SNX29: variants seen among roughly 807,000 people sequenced by gnomAD.
The protein encoded by SNX29 is sorting nexin-29.
SNX29 carries 78 observed loss-of-function variants against 102.1 expected under a neutral mutation model. The observed-to-expected ratio is 0.76, with a 90% confidence interval of 0.64 to 0.92. SNX29 has a LOEUF of 0.92. Among genes scored for constraint, SNX29 ranks in the 40% least tolerant of loss-of-function variants. The pLI, the probability that SNX29 is intolerant of heterozygous loss-of-function variation, is 0.00. For synonymous variants in SNX29, 580 were observed against 414.5 expected, an observed-to-expected ratio of 1.40 and a Z score of -4.85; for missense variants, 1,280 against 1,061.7, an observed-to-expected ratio of 1.21 and a Z score of -2.86.
At chr16:12,170,446 C>T (rs1342406433) in intron 13 of SNX29, among the ~76,000 whole-genome samples, 2 of 151,918 alleles carry the variant, frequency 1.3e-5, no homozygotes, top group Admixed American at 6.6e-5. Flanking sequence ...GACCACTTAG[C>T]CCTGAGGTCA....
chr16:12,561,790 G>A (rs745415135), intron 20 of SNX29, among the ~76,000 whole-genome samples: 5 of 152,184 alleles, frequency 3.3e-5, no homozygotes, highest in Non-Finnish European at 4.4e-5. Flanking sequence ...GACCACGCGT[G>A]GCCTGGCAGG....
chr16:12,284,950 T>C (rs553829322), intron 15 of SNX29, among the ~76,000 whole-genome samples: 1 of 152,250 alleles, frequency 6.6e-6, no homozygotes, highest in South Asian at 2.1e-4. Flanking sequence ...GGTCTCGAAC[T>C]CCTGACCTCA....
intron 14 of SNX29, among the ~76,000 whole-genome samples, chr16:12,227,787 C>T (rs2142167795): frequency 6.6e-6 from 1 of 151,086 alleles, no homozygotes. Flanking sequence ...GTAATCCCAG[C>T]TACTCGGGAG....
intron 15 of SNX29, among the ~76,000 whole-genome samples, chr16:12,301,851 C>G (rs762903413): frequency 1.3e-5 from 2 of 152,196 alleles, no homozygotes; most frequent in Non-Finnish European, 2.9e-5. Flanking sequence ...TTCTCAGAGT[C>G]GAAGCTCTTT....
intron 15 of SNX29, among the ~76,000 whole-genome samples, chr16:12,325,523 G>A (rs1185932447): frequency 1.3e-5 from 2 of 152,150 alleles, no homozygotes; most frequent in African/African-American, 2.4e-5. Flanking sequence ...AGAACTCATT[G>A]CTGAAGTTTA....
chr16:12,070,230 G>A (rs1213087577), intron 10 of SNX29, among the ~76,000 whole-genome samples: 2 of 151,584 alleles, frequency 1.3e-5, no homozygotes, highest in Non-Finnish European at 2.9e-5. Flanking sequence ...ACAATGTTCA[G>A]GTTAGTTACA....
intron 14 of SNX29, among the ~76,000 whole-genome samples, chr16:12,208,712 G>A (rs767057540): frequency 5.9e-5 from 9 of 151,998 alleles, no homozygotes; most frequent in East Asian, 1.9e-4. Context: ...GTGCTGGTGC[G>A]TGCCTGTAGT....
chr16:12,065,095 A>G (rs2050968028), intron 9 of SNX29, among the ~76,000 whole-genome samples: 1 of 152,330 alleles, frequency 6.6e-6, no homozygotes, highest in African/African-American at 2.4e-5. Context: ...GAACCCTGAA[A>G]GGAGTTCTCT....
intron 14 of SNX29, among the ~76,000 whole-genome samples, chr16:12,276,808 T>C (rs764506890): frequency 8.5e-5 from 13 of 152,184 alleles, no homozygotes; most frequent in Non-Finnish European, 1.9e-4. Context: ...TGGGCATATA[T>C]GGGCATATAC....
chr16:12,249,595 C>T (rs957988170), intron 14 of SNX29, among the ~76,000 whole-genome samples: 8 of 152,168 alleles, frequency 5.3e-5, no homozygotes, highest in East Asian at 1.9e-4. Context: ...ACCAGCCTGC[C>T]GGGTCTGAAT....
chr16:12,418,732 C>G (rs1380873335), intron 18 of SNX29, among the ~76,000 whole-genome samples: 2 of 152,114 alleles, frequency 1.3e-5, no homozygotes, highest in African/African-American at 4.8e-5. Flanking sequence ...TTAGGCTGGT[C>G]TCGACCTCCT....
At chr16:12,231,132 T>C (rs111362235) in intron 14 of SNX29, among the ~76,000 whole-genome samples, 5,901 of 152,222 alleles carry the variant, frequency 0.039, 412 homozygotes, top group African/African-American at 0.14. Flanking sequence ...GAATTACAGA[T>C]GTTAGCCAAT....
intron 13 of SNX29, among the ~76,000 whole-genome samples, chr16:12,183,722 A>G (rs950051479): frequency 6.6e-6 from 1 of 152,242 alleles, no homozygotes; most frequent in Non-Finnish European, 1.5e-5. Flanking sequence ...CCAGATGGTT[A>G]AGGCATTCTA....
chr16:12,031,538 G>A (rs1189087766), intron 4 of SNX29, among the ~76,000 whole-genome samples: 1 of 151,908 alleles, frequency 6.6e-6, no homozygotes, highest in Non-Finnish European at 1.5e-5. Context: ...CGGGCGTGGT[G>A]GCTCATGCCT....
intron 1 of SNX29, among the ~76,000 whole-genome samples, chr16:11,987,828 G>T (rs2055691724): frequency 6.6e-6 from 1 of 152,164 alleles, no homozygotes. Context: ...CATTTCCCCT[G>T]TTCCTTTTTA....
chr16:11,992,494 C>G (rs1284081790), intron 1 of SNX29, among the ~76,000 whole-genome samples: 1 of 152,082 alleles, frequency 6.6e-6, no homozygotes, highest in Admixed American at 6.6e-5. Context: ...CACCCCAGCC[C>G]CTGGCAACCA....
intron 13 of SNX29, among the ~76,000 whole-genome samples, chr16:12,182,933 CAA>C (rs575698544): frequency 4.7e-4 from 22 of 46,444 alleles, no homozygotes; most frequent in Middle Eastern, 0.01. Flanking sequence ...GACTCTGTCT[CAA>C]AAAAAAAAAA....
chr16:12,533,914 A>G (rs1214983109), intron 20 of SNX29, among the ~76,000 whole-genome samples: 3 of 152,262 alleles, frequency 2.0e-5, no homozygotes, highest in South Asian at 2.1e-4. Context: ...GCACATCTTC[A>G]TATAAAATCT....
chr16:11,985,042 C>T (rs1355330244), intron 1 of SNX29, among the ~76,000 whole-genome samples: 1 of 151,670 alleles, frequency 6.6e-6, no homozygotes, highest in East Asian at 1.9e-4. Context: ...TAGATTATGT[C>T]TGTAGGGAGA....
Sources: gnomAD v4.1 joint callset for allele counts (sites outside exome capture counted in the v4.1 genomes callset) on GRCh38, gnomAD v4.1.1 for gene constraint, MANE v1.5 for transcripts, NCBI Gene and HGNC (gene_info 2026-07-23, HGNC 2026-07-21) for gene names.